The following MTCL3 variants were observed in gnomAD, a reference collection of about 807,000 sequenced individuals.
MTCL3 encodes the protein MTCL family member 3, also known as microtubule cross-linking factor 3.
At chr6:127,517,398 A>T in the MTCL3 span, 1 of 152,208 alleles carries the variant, frequency 6.6e-6, no homozygotes, top group African/African-American at 2.4e-5. Context: ...TGGGTTAGTT[A>T]TTAGCAACCC....
chr6:127,517,677 C>T, the MTCL3 span: 1 of 152,056 alleles, frequency 6.6e-6, no homozygotes, highest in Non-Finnish European at 1.5e-5. Context: ...GAGACAGAAC[C>T]CAGAAGGCTG....
the MTCL3 span, chr6:127,515,184 G>A: frequency 4.8e-6 from 4 of 829,418 alleles, no homozygotes; most frequent in South Asian, 1.6e-5. The surrounding 1 kb of genome is among the most constrained non-coding windows in gnomAD (Gnocchi z 4.3). Flanking sequence ...GTGACAAGGA[G>A]CTGAGTACAG....
chr6:127,479,038 AAG>A, the MTCL3 span, among the ~76,000 whole-genome samples: 1 of 151,368 alleles, frequency 6.6e-6, no homozygotes. Context: ...AAAAAAAAAA[AAG>A]AGAAAGGGGG....
chr6:127,482,297 C>T, the MTCL3 span, among the ~76,000 whole-genome samples: 1 of 152,238 alleles, frequency 6.6e-6, no homozygotes, highest in East Asian at 1.9e-4. The surrounding 1 kb of genome is among the most constrained non-coding windows in gnomAD (Gnocchi z 4.1). Context: ...CAAATGTTTC[C>T]TCTTCCATTT....
At chr6:127,512,185 C>T in the MTCL3 span, among the ~76,000 whole-genome samples, 1 of 152,002 alleles carries the variant, frequency 6.6e-6, no homozygotes, top group South Asian at 2.1e-4. Context: ...TTTTAGAAGA[C>T]TCATGGTAAA....
the MTCL3 span, among the ~76,000 whole-genome samples, chr6:127,488,338 A>T: frequency 1.3e-5 from 2 of 152,056 alleles, no homozygotes; most frequent in Admixed American, 6.6e-5. Context: ...CTGCTTTTTA[A>T]TTTTTCCCCA....
chr6:127,515,939 T>G, the MTCL3 span: 2 of 1,607,270 alleles, frequency 1.2e-6, no homozygotes, highest in African/African-American at 1.3e-5. The surrounding 1 kb of genome is among the most constrained non-coding windows in gnomAD (Gnocchi z 4.3). Flanking sequence ...GTTCCTGGGG[T>G]TTTGCCCGCA....
the MTCL3 span, among the ~76,000 whole-genome samples, chr6:127,496,509 A>C: frequency 1.3e-5 from 2 of 152,222 alleles, no homozygotes; most frequent in African/African-American, 2.4e-5. Context: ...AAAACTAGAA[A>C]TCCTGTTTCT....
chr6:127,491,578 A>G, the MTCL3 span, among the ~76,000 whole-genome samples: 1 of 152,236 alleles, frequency 6.6e-6, no homozygotes, highest in African/African-American at 2.4e-5. Context: ...GTACTGGGAA[A>G]CCAAACAATA....
the MTCL3 span, among the ~76,000 whole-genome samples, chr6:127,511,093 A>C: frequency 6.6e-6 from 1 of 152,330 alleles, no homozygotes; most frequent in South Asian, 2.1e-4. Context: ...GTCTGGAAAC[A>C]GAGAGCTACA....
the MTCL3 span, among the ~76,000 whole-genome samples, chr6:127,480,351 C>G: frequency 4.6e-4 from 70 of 152,314 alleles, no homozygotes; most frequent in Middle Eastern, 6.8e-3. Flanking sequence ...ACCTAGGCAG[C>G]CTGGCCCTAG....
the MTCL3 span, chr6:127,516,536 G>A: frequency 2.6e-5 from 41 of 1,598,340 alleles, no homozygotes; most frequent in Non-Finnish European, 3.2e-5. Context: ...TCCGGGTGCA[G>A]ACGAGCCTCA....
At chr6:127,509,100 C>T in the MTCL3 span, among the ~76,000 whole-genome samples, 2 of 152,198 alleles carry the variant, frequency 1.3e-5, no homozygotes, top group Non-Finnish European at 2.9e-5. Context: ...AGGCATTCTT[C>T]TACAGCAAGA....
At chr6:127,518,657 T>C in the MTCL3 span, 1 of 152,060 alleles carries the variant, frequency 6.6e-6, no homozygotes, top group African/African-American at 2.4e-5. Flanking sequence ...GATCTCAGGG[T>C]TTATTATTGT....
the MTCL3 span, among the ~76,000 whole-genome samples, chr6:127,488,022 AC>A: frequency 6.6e-6 from 1 of 151,716 alleles, no homozygotes; most frequent in Non-Finnish European, 1.5e-5. Context: ...TGGTCACCCC[AC>A]CCCCCAATCC....
At chr6:127,496,504 T>C in the MTCL3 span, among the ~76,000 whole-genome samples, 2 of 152,210 alleles carry the variant, frequency 1.3e-5, no homozygotes, top group African/African-American at 2.4e-5. Context: ...CAATGAAAAC[T>C]AGAAATCCTG....
At chr6:127,479,716 G>T in the MTCL3 span, among the ~76,000 whole-genome samples, 1 of 151,920 alleles carries the variant, frequency 6.6e-6, no homozygotes, top group Non-Finnish European at 1.5e-5. Flanking sequence ...GGAAAGAGCT[G>T]CATCAAGGGC....
the MTCL3 span, among the ~76,000 whole-genome samples, chr6:127,511,670 C>T: frequency 4.6e-5 from 7 of 152,082 alleles, no homozygotes; most frequent in South Asian, 1.0e-3. Flanking sequence ...TAGCACAGAG[C>T]GACTCCTAGC....
the MTCL3 span, among the ~76,000 whole-genome samples, chr6:127,491,958 A>G: frequency 2.7e-5 from 4 of 150,540 alleles, no homozygotes; most frequent in African/African-American, 9.8e-5. Flanking sequence ...ACTTGCTTTG[A>G]CCTGTAAAAT....
Sources: allele counts gnomAD v4.1 joint callset (sites outside exome capture counted in the v4.1 genomes callset), GRCh38; gene constraint gnomAD v4.1.1; non-coding constraint Gnocchi (gnomAD v3.1); transcripts MANE v1.5; gene names NCBI Gene and HGNC (gene_info 2026-07-23, HGNC 2026-07-21).